OR2L5: variants seen among roughly 807,000 people sequenced by gnomAD.
OR2L5 encodes olfactory receptor family 2 subfamily L member 5, also known as olfactory receptor 2L5.
For missense variants in OR2L5, 413 were observed against 381.6 expected (o/e 1.08, Z -0.69); for synonymous variants, 169 against 142.0 (o/e 1.19, Z -1.35).
chr1:248,022,071 C>G lies in OR2L5; in HGVS notation c.124C>G (p.Leu42Val). The change falls in exon 2 of 2, where the codon CTA (leucine) becomes GTA (valine). Residue 42 changes from leucine (L) to valine (V), a missense_variant. Transcript: ENST00000355281. The part of the protein sequence containing the change: ...LIFLMALIGN[L>V]SMILLIFLDT... ...TTTCCTAATGGCTCTAATTGGAAAC[C>G]TATCCATGATTCTTCTCATCTTCTT... is the stretch of plus-strand genomic sequence containing the variant. The G allele has an allele frequency of 6.2e-7, 1 of 1,613,938 alleles. No individual in the cohort carries two copies. Among genetic ancestry groups the G allele is most frequent in the Non-Finnish European group, 8.5e-7 (1 of 1,179,852 alleles).
At chr1:248,017,026 T>G (rs1238137795) in intron 1 of OR2L5, among the ~76,000 whole-genome samples, 1 of 152,212 alleles carries the variant, frequency 6.6e-6, no homozygotes, top group East Asian at 1.9e-4. Flanking sequence ...GTTCCTTTCA[T>G]GTATGATGCC....
chr1:248,018,168 A>AC (rs60852999), intron 1 of OR2L5, among the ~76,000 whole-genome samples: 1 of 140,464 alleles, frequency 7.1e-6, no homozygotes, highest in African/African-American at 3.3e-5. Context: ...AATAAAAAAA[A>AC]AAATTCGTTA....
chr1:248,018,118 G>A (rs1442320921), intron 1 of OR2L5, among the ~76,000 whole-genome samples: 2 of 148,688 alleles, frequency 1.3e-5, no homozygotes, highest in Non-Finnish European at 2.9e-5. Context: ...TCACACCACT[G>A]CACTCCAGCC....
rs745470242 is a variant in OR2L5, at chr1:248,022,545, T to C, written c.598T>C (p.Leu200=). The change falls in exon 2 of 2, where the codon TTG becomes CTG. Residue 200 remains leucine, a synonymous_variant. Transcript: ENST00000355281. The stretch of plus-strand genomic sequence containing the variant: ...CTGGGTCTATGAGTACACAGTGTTT[T>C]TGAGCAGCACCATCTTTCTTGTGTT... ...DTWVYEYTVF[L]SSTIFLVFPF... The C allele has an allele frequency of 4.3e-6, 7 of 1,614,200 alleles. No homozygotes were observed. In the South Asian group the frequency reaches 4.4e-5, roughly 10 times the overall value.
intron 1 of OR2L5, among the ~76,000 whole-genome samples, chr1:248,014,770 T>A (rs1662149708): frequency 6.6e-6 from 1 of 152,168 alleles, no homozygotes; most frequent in South Asian, 2.1e-4. Context: ...AGACAGCTCC[T>A]AATAACCCAT....
intron 1 of OR2L5, 50 bp from the exon 2 acceptor site, chr1:248,021,877 C>G: frequency 8.0e-7 from 1 of 1,251,964 alleles, no homozygotes; most frequent in Non-Finnish European, 1.1e-6. Context: ...GCAACCCCTG[C>G]AGATAATGGG....
Position 248,022,845 on chromosome 1 carries a change from C to T in OR2L5, c.898C>T (p.Leu300=), listed in dbSNP as rs1282421504. The change falls in exon 2 of 2, where the codon CTG becomes TTG. Residue 300 remains leucine (L), a synonymous_variant. Coordinates refer to ENST00000355281, the MANE Select transcript of OR2L5 (RefSeq NM_001258284.2). ...SLRNKEVMGA[L]TRVIQNIFSV... Reference sequence around the variant, plus strand: ...GAGAAACAAGGAGGTGATGGGGGCCCTGACACGAGTGATTCAGAATATCTT... The same window carrying T: ...GAGAAACAAGGAGGTGATGGGGGCCTTGACACGAGTGATTCAGAATATCTT... 6.2e-7 allele frequency: 1 copy of T among 1,612,646 alleles called. No individual in the cohort carries two copies. The highest frequency in any genetic ancestry group is 1.1e-5 in the South Asian group (1 of 90,958).
rs1433260920 is a variant in OR2L5, at chr1:248,023,991, ACAT to A, written c.*1109_*1111del. The A allele has an allele frequency of 2.0e-5, 3 of 152,194 alleles. No homozygotes were observed. The highest frequency in any genetic ancestry group is 2.4e-5 in the African/African-American group (1 of 41,442). The allele number at this position is 152,194 out of a possible 1,614,324, so 9.4% of individuals were successfully genotyped here. On this transcript the variant is annotated 3_prime_UTR_variant, in exon 2 of 2. Transcript: ENST00000355281. ...ATAAAAACTATTTATCTGAAGAATA[ACAT>A]CATGTGATCAGAAAATATATTTTTA...
chr1:248,022,705 C>T lies in OR2L5; in HGVS notation c.758C>T (p.Pro253Leu), dbSNP rs937225295. ...ACTGTAGTAACTTTCTACTATGCAC[C>T]CTTTGCTTATACCTATCTATGTCCA... ...HLTVVTFYYA[P>L]FAYTYLCPRS... The change falls in exon 2 of 2, where the codon CCC becomes CTC. Residue 253 changes from proline (P) to leucine (L), a missense_variant. By Grantham distance (98) the Pro-to-Leu change is moderately conservative. Coordinates refer to ENST00000355281, the MANE Select transcript of OR2L5 (RefSeq NM_001258284.2). 14 of 1,613,986 alleles carry T rather than the reference C, an allele frequency of 8.7e-6. No individual in the cohort carries two copies. Among genetic ancestry groups the T allele is most frequent in the Non-Finnish European group, 1.2e-5 (14 of 1,180,018 alleles).
chr1:248,022,283 G>A lies in OR2L5; in HGVS notation c.336G>A (p.Leu112=), dbSNP rs1662358040. The A allele has an allele frequency of 1.2e-6, 2 of 1,614,020 alleles. No homozygotes were observed. The highest frequency in any genetic ancestry group is 4.5e-5 in the East Asian group (2 of 44,894). Reference sequence around the variant, plus strand: ...TGACTTTTGCAGGTGCAGAAGCGCTGCTCCTGACATCAATGGCCTATGATC... The same window carrying A: ...TGACTTTTGCAGGTGCAGAAGCGCTACTCCTGACATCAATGGCCTATGATC... The part of the protein sequence containing the change: ...FFMTFAGAEA[L]LLTSMAYDRY... Residue 112 remains leucine (L), a synonymous_variant, in exon 2 of 2, where the codon CTG becomes CTA. Transcript: ENST00000355281.
Position 248,022,925 on chromosome 1 carries a change from A to G in OR2L5, c.*39A>G. The stretch of plus-strand genomic sequence containing the variant: ...GTTAGAGTCAAAGCGCTAGGTTCAT[A>G]TCAACTCAGCAGTGTACAGCAGTGA... On this transcript the variant is annotated 3_prime_UTR_variant, in exon 2 of 2. Transcript: ENST00000355281. 1 of 1,552,874 alleles carries G rather than the reference A, an allele frequency of 6.4e-7. No homozygotes were observed. The highest frequency in any genetic ancestry group is 8.7e-7 in the Non-Finnish European group (1 of 1,146,398).
intron 1 of OR2L5, among the ~76,000 whole-genome samples, chr1:248,016,053 A>G (rs1436159015): frequency 6.6e-6 from 1 of 152,170 alleles, no homozygotes; most frequent in East Asian, 1.9e-4. Context: ...ATTCTTCCTT[A>G]TGATAATGAG....
rs371123923 is a variant in OR2L5 at position 248,015,172 on chromosome 1, A to G, written c.-22+1434A>G. ...AAGAGTTGTGGTTCTCCAAATTCAT[A>G]CCCTTCTCAACAATTAAAAATACAT... On this transcript the variant is annotated intron_variant, in intron 1 of 1. Transcript: ENST00000355281. Among the ~76,000 whole-genome samples, 31 of 152,306 alleles carry G rather than the reference A, an allele frequency of 2.0e-4. 1 individual carries two copies. The East Asian group carries it at 5.6e-3, about 27-fold the overall frequency.
intron 1 of OR2L5, among the ~76,000 whole-genome samples, chr1:248,017,136 T>C (rs1357642318): frequency 1.3e-5 from 2 of 152,190 alleles, no homozygotes; most frequent in African/African-American, 2.4e-5. Context: ...TTAATGCTGA[T>C]GCCCAGGTAT....
intron 1 of OR2L5, among the ~76,000 whole-genome samples, chr1:248,021,271 CT>C (rs1403020774): frequency 6.6e-6 from 1 of 152,074 alleles, no homozygotes; most frequent in Non-Finnish European, 1.5e-5. Context: ...ATATTAATCT[CT>C]GGATAGAGAA....
chr1:248,017,724 C>G (rs555565217), intron 1 of OR2L5, among the ~76,000 whole-genome samples: 2 of 152,216 alleles, frequency 1.3e-5, no homozygotes, highest in South Asian at 4.1e-4. Context: ...CCATCGCAGG[C>G]AGAGCTGGGT....
chr1:248,016,432 C>A (rs940994702), intron 1 of OR2L5, among the ~76,000 whole-genome samples: 11 of 151,774 alleles, frequency 7.2e-5, no homozygotes, highest in South Asian at 4.2e-4. Context: ...TGATTGTTGC[C>A]TGGTCAAGGA....
At chr1:248,021,538 G>T (rs865988332) in intron 1 of OR2L5, among the ~76,000 whole-genome samples, 3 of 152,084 alleles carry the variant, frequency 2.0e-5, no homozygotes, top group Non-Finnish European at 2.9e-5. Context: ...GCCCAATGTT[G>T]CATCATAGTG....
chr1:248,015,971 C>A (rs1572672763), intron 1 of OR2L5, among the ~76,000 whole-genome samples: 1 of 152,160 alleles, frequency 6.6e-6, no homozygotes, highest in African/African-American at 2.4e-5. Flanking sequence ...AACCATCCTC[C>A]TTGGTTCCCA....
Sources: allele counts gnomAD v4.1 joint callset (sites outside exome capture counted in the v4.1 genomes callset), GRCh38; gene constraint gnomAD v4.1.1; transcripts MANE v1.5; gene names NCBI Gene and HGNC (gene_info 2026-07-23, HGNC 2026-07-21).